The following MAGI1 variants were observed in gnomAD, a reference collection of about 807,000 sequenced individuals.
MAGI1 encodes membrane-associated guanylate kinase, WW and PDZ domain-containing protein 1.
Under a neutral mutation model 139.9 loss-of-function variants are expected in MAGI1, and 58 were observed. The observed-to-expected ratio is 0.41, with a 90% CI of 0.34 to 0.52. The LOEUF is 0.52. Among genes scored for constraint, MAGI1 ranks in the 20% least tolerant of loss-of-function variants. MAGI1 has a pLI of 0.12. For synonymous variants in MAGI1, 812 were observed against 737.9 expected (o/e 1.10, Z -1.63); for missense variants, 1,874 against 1,901.6 (o/e 0.99, Z 0.27).
At chr3:65,990,731 G>C (rs977673812) in intron 1 of MAGI1, among the ~76,000 whole-genome samples, 1 of 152,144 alleles carries the variant, frequency 6.6e-6, no homozygotes, top group Admixed American at 6.5e-5. Context: ...GAAGAACTTA[G>C]GTGGTATATA....
At chr3:65,767,364 G>A (rs1463830366) in intron 1 of MAGI1, among the ~76,000 whole-genome samples, 2 of 151,682 alleles carry the variant, frequency 1.3e-5, no homozygotes, top group Non-Finnish European at 2.9e-5. Flanking sequence ...CAGCACTTTG[G>A]GAGGCCACAT....
At chr3:65,798,035 G>C (rs1410907533) in intron 1 of MAGI1, among the ~76,000 whole-genome samples, 1 of 152,152 alleles carries the variant, frequency 6.6e-6, no homozygotes. Context: ...GCCTGGTGCA[G>C]TGGCTCACAC....
At chr3:65,825,088 G>A (rs1052963205) in intron 1 of MAGI1, among the ~76,000 whole-genome samples, 3 of 152,154 alleles carry the variant, frequency 2.0e-5, no homozygotes, top group Non-Finnish European at 2.9e-5. Context: ...TGTATGAAGC[G>A]CTCTTAGAAA....
intron 1 of MAGI1, among the ~76,000 whole-genome samples, chr3:65,956,996 C>T (rs765457497): frequency 4.6e-5 from 7 of 151,676 alleles, no homozygotes; most frequent in African/African-American, 7.3e-5. Context: ...AGTGAGAATC[C>T]TTCTCAAAAA....
intron 1 of MAGI1, among the ~76,000 whole-genome samples, chr3:65,782,303 C>G (rs185907933): frequency 1.2e-4 from 19 of 152,120 alleles, no homozygotes; most frequent in African/African-American, 4.1e-4. Flanking sequence ...CAGAAGGATA[C>G]AACGTTGCTA....
chr3:65,593,391 T>C (rs1015040664), intron 2 of MAGI1, among the ~76,000 whole-genome samples: 1 of 149,178 alleles, frequency 6.7e-6, no homozygotes, highest in Non-Finnish European at 1.5e-5. Context: ...GACTAGTAGA[T>C]TGTGAAGGAT....
rs1470350742 is a variant in MAGI1, at chr3:65,610,794, A to AG, written c.430+11177dup. 2.1e-4 allele frequency among the ~76,000 whole-genome samples: 30 copies of AG among 140,336 alleles called. 1 individual carries two copies. The highest frequency in any genetic ancestry group is 4.3e-4 in the South Asian group (2 of 4,644). 92.1% of individuals were successfully genotyped at this position (140,336 alleles called of 152,430 possible). On this transcript the variant is annotated intron_variant, in intron 2 of 22. Coordinates refer to ENST00000402939, the MANE Select transcript of MAGI1 (RefSeq NM_001033057.2). ...TATATATACTGTATATAGTATATAT[A>AG]GTATATATAGGTATATATAGTATAT...
At chr3:66,000,227 C>T (rs2066672895) in intron 1 of MAGI1, among the ~76,000 whole-genome samples, 1 of 152,074 alleles carries the variant, frequency 6.6e-6, no homozygotes, top group East Asian at 1.9e-4. Flanking sequence ...CTGCCCGCCT[C>T]GGCCTCCCAA....
chr3:65,385,129 A>G (rs934514821), intron 14 of MAGI1, among the ~76,000 whole-genome samples: 2 of 152,204 alleles, frequency 1.3e-5, no homozygotes, highest in East Asian at 3.9e-4. Context: ...TTTACTTTCA[A>G]TACTCAGCAA....
chr3:65,895,555 C>T (rs894704403), intron 1 of MAGI1, among the ~76,000 whole-genome samples: 3 of 152,208 alleles, frequency 2.0e-5, no homozygotes, highest in Non-Finnish European at 4.4e-5. Flanking sequence ...CTTTCCAAAT[C>T]CCTACAAAGA....
Position 65,384,780 on chromosome 3 carries a change from GGTGTGT to G in MAGI1, c.2417-1163_2417-1158del, listed in dbSNP as rs3072935. Among the ~76,000 whole-genome samples the G allele has an allele frequency of 2.7e-3, 405 of 147,880 alleles. 2 individuals carry two copies. In the South Asian group the frequency reaches 0.029, roughly 11 times the overall value. ...CAAACAAATAAATAATATAGGAAGG[GGTGTGT>G]GTGTGTGTGTGTGTGTGTGTGTTAC... On this transcript the variant is annotated intron_variant, in intron 14 of 22. Transcript: ENST00000402939.
chr3:65,932,503 G>C (rs923709266), intron 1 of MAGI1, among the ~76,000 whole-genome samples: 1 of 152,046 alleles, frequency 6.6e-6, no homozygotes, highest in African/African-American at 2.4e-5. Context: ...CCACCATCCC[G>C]AACATATATA....
At chr3:65,565,447 G>A (rs1160226490) in intron 2 of MAGI1, among the ~76,000 whole-genome samples, 2 of 152,134 alleles carry the variant, frequency 1.3e-5, no homozygotes, top group African/African-American at 4.8e-5. Context: ...AAACTCAGTG[G>A]TCATTTGTGT....
At chr3:65,688,019 C>A in intron 1 of MAGI1, 1 of 836,718 alleles carries the variant, frequency 1.2e-6, no homozygotes, top group Non-Finnish European at 2.0e-6. Context: ...GGCTTTGAGC[C>A]CCTCACACCC....
At chr3:65,744,878 A>T (rs2035570383) in intron 1 of MAGI1, among the ~76,000 whole-genome samples, 1 of 152,126 alleles carries the variant, frequency 6.6e-6, no homozygotes, top group Non-Finnish European at 1.5e-5. Context: ...CATTTACAAC[A>T]TTATACAATT....
At chr3:65,458,336 T>G (rs1949537218) in intron 5 of MAGI1, among the ~76,000 whole-genome samples, 1 of 151,728 alleles carries the variant, frequency 6.6e-6, no homozygotes, top group African/African-American at 2.4e-5. Context: ...ATGTGATAGC[T>G]CTATTTTTAG....
At chr3:65,578,619 CA>C (rs1265265331) in intron 2 of MAGI1, among the ~76,000 whole-genome samples, 1 of 152,100 alleles carries the variant, frequency 6.6e-6, no homozygotes, top group Non-Finnish European at 1.5e-5. Flanking sequence ...CCAAGTCTCT[CA>C]ATGAGAACAG....
chr3:65,846,541 C>A (rs770870269), intron 1 of MAGI1, among the ~76,000 whole-genome samples: 3 of 152,198 alleles, frequency 2.0e-5, no homozygotes, highest in Admixed American at 6.5e-5. Context: ...TAATAGGGCC[C>A]CACAAAGGTC....
intron 1 of MAGI1, among the ~76,000 whole-genome samples, chr3:66,011,060 G>C (rs537837180): frequency 2.0e-5 from 3 of 152,290 alleles, no homozygotes; most frequent in African/African-American, 7.2e-5. Context: ...GTCATCCCTG[G>C]CTGGGGAATA....
Sources: gnomAD v4.1 joint callset for allele counts (sites outside exome capture counted in the v4.1 genomes callset) on GRCh38, gnomAD v4.1.1 for gene constraint, MANE v1.5 for transcripts, NCBI Gene and HGNC (gene_info 2026-07-23, HGNC 2026-07-21) for gene names.